RPTOR: variants seen among roughly 807,000 people sequenced by gnomAD.
RPTOR encodes the protein regulatory-associated protein of mTOR.
In RPTOR, 21 loss-of-function variants were observed where a neutral mutation model predicts 169.9. That is an observed-to-expected ratio of 0.12 (90% confidence interval 0.09 to 0.18). The LOEUF (loss-of-function observed/expected upper bound fraction) is 0.18, where lower values mean the gene tolerates loss of function less well. Among genes scored for constraint, RPTOR ranks in the 10% least tolerant of loss-of-function variants. RPTOR has a pLI of 1.00. For missense variants in RPTOR, 1,133 were observed against 1,855.9 expected (o/e 0.61, Z 7.16); for synonymous variants, 732 against 753.2 (o/e 0.97, Z 0.46).
At chr17:80,560,338 A>G (rs1047459891) in intron 1 of RPTOR, among the ~76,000 whole-genome samples, 2 of 152,202 alleles carry the variant, frequency 1.3e-5, no homozygotes, top group Non-Finnish European at 2.9e-5. Flanking sequence ...TGACTGATGT[A>G]TAGAATTTAG....
At chr17:80,645,519 C>G (rs2065588167) in intron 3 of RPTOR, among the ~76,000 whole-genome samples, 1 of 152,112 alleles carries the variant, frequency 6.6e-6, no homozygotes, top group African/African-American at 2.4e-5. Flanking sequence ...TTTAATATTT[C>G]AAGATATTGT....
At chr17:80,630,836 G>T (rs1458480468) in intron 2 of RPTOR, among the ~76,000 whole-genome samples, 1 of 152,206 alleles carries the variant, frequency 6.6e-6, no homozygotes, top group African/African-American at 2.4e-5. Flanking sequence ...CTCACTGAGT[G>T]GTCCCTGGCT....
intron 28 of RPTOR, among the ~76,000 whole-genome samples, chr17:80,951,013 T>C (rs572989076): frequency 1.3e-5 from 2 of 152,256 alleles, no homozygotes; most frequent in Admixed American, 1.3e-4. Context: ...GGAAATGCAG[T>C]GCTGGAAGGA....
intron 4 of RPTOR, among the ~76,000 whole-genome samples, chr17:80,728,601 ACTCT>A (rs1366238887): frequency 6.6e-6 from 1 of 151,474 alleles, no homozygotes. Context: ...CTATTTCTGG[ACTCT>A]CTCTTTTCTG....
intron 7 of RPTOR, among the ~76,000 whole-genome samples, chr17:80,799,536 A>G (rs1038684083): frequency 6.6e-6 from 1 of 152,098 alleles, no homozygotes; most frequent in Non-Finnish European, 1.5e-5. Context: ...CCTTGAGAAT[A>G]CCTCTCTTGC....
intron 1 of RPTOR, among the ~76,000 whole-genome samples, chr17:80,577,249 T>G (rs1262147094): frequency 2.0e-5 from 3 of 152,066 alleles, no homozygotes; most frequent in African/African-American, 7.2e-5. Context: ...AGGCTAATCT[T>G]GAACTCCTGA....
At chr17:80,828,028 C>T (rs1182024512) in intron 9 of RPTOR, among the ~76,000 whole-genome samples, 1 of 152,170 alleles carries the variant, frequency 6.6e-6, no homozygotes, top group Admixed American at 6.5e-5. Flanking sequence ...ATGGGATGTA[C>T]GTGCATGAGC....
rs368994184 is a variant in RPTOR at position 80,712,034 on chromosome 17, G to A, written c.507+4035G>A. On this transcript the variant is annotated intron_variant, in intron 4 of 33. Coordinates refer to ENST00000306801, the MANE Select transcript of RPTOR (RefSeq NM_020761.3). ...GCTGGGATTACAGGCGTGAGCCACC[G>A]TGCCCAGCAGTCTTTTTTAAAATAA... 2.4e-3 allele frequency among the ~76,000 whole-genome samples: 358 copies of A among 152,198 alleles called. 2 individuals carry two copies. The South Asian group carries it at 0.029, about 12-fold the overall frequency.
chr17:80,837,484 G>T (rs1303013491), intron 9 of RPTOR, among the ~76,000 whole-genome samples: 1 of 152,216 alleles, frequency 6.6e-6, no homozygotes, highest in East Asian at 1.9e-4. Flanking sequence ...CCTGGCCCTG[G>T]TGTCTCTCCC....
At chr17:80,747,700 G>A (rs1031547889) in intron 5 of RPTOR, among the ~76,000 whole-genome samples, 3 of 152,174 alleles carry the variant, frequency 2.0e-5, no homozygotes, top group South Asian at 4.1e-4. Flanking sequence ...TCTGGACCAC[G>A]GGAGCTTTGT....
At chr17:80,594,344 G>T (rs1183479897) in intron 1 of RPTOR, among the ~76,000 whole-genome samples, 1 of 152,054 alleles carries the variant, frequency 6.6e-6, no homozygotes, top group Non-Finnish European at 1.5e-5. Flanking sequence ...CACCCACCTT[G>T]GCCGCCCAAA....
In RPTOR at chr17:80,912,205, G is replaced by A. The variant is rs139395154; in HGVS notation, c.2520+3276G>A. On this transcript the variant is annotated intron_variant, in intron 21 of 33. Transcript: ENST00000306801. ...TTTTTAGAATTGATGGCCAGTTCGC[G>A]TCTCTGCTGGCAGTTCTCTGACACA... 5.3e-5 allele frequency among the ~76,000 whole-genome samples: 8 copies of A among 152,298 alleles called. No homozygotes were observed. In the East Asian group the frequency reaches 1.3e-3, roughly 26 times the overall value.
intron 7 of RPTOR, among the ~76,000 whole-genome samples, chr17:80,818,840 C>T (rs1166891298): frequency 2.0e-5 from 3 of 152,206 alleles, no homozygotes; most frequent in East Asian, 1.9e-4. Context: ...ACTAAGTACA[C>T]ACTGGTCCTA....
In RPTOR at chr17:80,838,001, A is replaced by G. The variant is rs1427993368; in HGVS notation, c.1212+4A>G. On this transcript the variant is annotated splice_donor_region_variant and intron_variant, in intron 10 of 33. Transcript: ENST00000306801. ...CGAGGAAGGCACTGCGTTTCGGGTG[A>G]GTCCCTCCAAGGGCACCCTGTGCAT... 6.2e-7 allele frequency: 1 copy of G among 1,605,916 alleles called. No individual in the cohort carries two copies. The highest frequency in any genetic ancestry group is 8.5e-7 in the Non-Finnish European group (1 of 1,175,874).
chr17:80,889,548 ACACCAGCCAAGCT>A (rs2068290579), intron 17 of RPTOR, among the ~76,000 whole-genome samples: 1 of 152,134 alleles, frequency 6.6e-6, no homozygotes, highest in African/African-American at 2.4e-5. Context: ...TCACATGACA[ACACCAGCCAAGCT>A]CATCTTGCAA....
intron 10 of RPTOR, among the ~76,000 whole-genome samples, chr17:80,842,357 G>A (rs1010280196): frequency 6.0e-5 from 9 of 150,906 alleles, no homozygotes; most frequent in Non-Finnish European, 8.8e-5. Context: ...TACCCCACCT[G>A]CTAGCACCAA....
Position 80,965,329 on chromosome 17 carries a change from G to T in RPTOR, c.*999G>T, listed in dbSNP as rs932280056. 1.3e-5 allele frequency: 3 copies of T among 233,156 alleles called. No individual in the cohort carries two copies. Among genetic ancestry groups the T allele is most frequent in the Admixed American group, 5.6e-5 (1 of 17,784 alleles). 14.4% of individuals were successfully genotyped at this position (233,156 alleles called of 1,614,324 possible). ...CACGTTCCTCACATACAGGCAAGAG[G>T]CACTGCCGGGTCCCGGACGGCTCCG... On this transcript the variant is annotated 3_prime_UTR_variant, in exon 34 of 34. Coordinates refer to ENST00000306801, the MANE Select transcript of RPTOR (RefSeq NM_020761.3).
At chr17:80,642,609 G>C (rs1201260044) in intron 2 of RPTOR, among the ~76,000 whole-genome samples, 3 of 152,182 alleles carry the variant, frequency 2.0e-5, no homozygotes, top group Admixed American at 2.0e-4. Flanking sequence ...ATCCACTCAA[G>C]GTGCAGCAAA....
In RPTOR at chr17:80,923,505, G is replaced by A. The variant is rs749969796; in HGVS notation, c.2640G>A (p.Ala880=). 29 of 1,613,346 alleles carry A rather than the reference G, an allele frequency of 1.8e-5. No individual in the cohort carries two copies. In the East Asian group the frequency reaches 3.1e-4, roughly 17 times the overall value. ...CCAATGGCAGGGGCTCCCCTCCGGC[G>A]TCCAGCACCAGCAGCTCCAGCCTGA... ...HIHQAGGSPP[A]SSTSSSSLTN... The change falls in exon 23 of 34, where the codon GCG becomes GCA. Residue 880 remains alanine (A), a synonymous_variant. Transcript: ENST00000306801.
Sources: gnomAD v4.1 joint callset for allele counts (sites outside exome capture counted in the v4.1 genomes callset) on GRCh38, gnomAD v4.1.1 for gene constraint, MANE v1.5 for transcripts, NCBI Gene and HGNC (gene_info 2026-07-23, HGNC 2026-07-21) for gene names.